The following TCF4 variants were observed in gnomAD, a reference collection of about 807,000 sequenced individuals.
TCF4 encodes the protein SL3-3 enhancer factor 2.
In TCF4, 3 loss-of-function variants were observed where a neutral mutation model predicts 82.1. The observed-to-expected ratio is 0.04, with a 90% CI of 0.02 to 0.09. The LOEUF (loss-of-function observed/expected upper bound fraction) is 0.09, where lower values mean the gene tolerates loss of function less well. Among genes scored for constraint, TCF4 ranks in the 10% least tolerant of loss-of-function variants. TCF4 has a pLI of 1.00. For missense variants in TCF4, 518 were observed against 852.7 expected (o/e 0.61, Z 4.89); for synonymous variants, 276 against 309.6 (o/e 0.89, Z 1.14).
At position 55,553,026 on chromosome 18, in the gene TCF4, T is replaced by C. The variant is rs1423891709; in HGVS notation, c.145+32254A>G. On this transcript the variant is annotated intron_variant, in intron 3 of 19. Coordinates refer to ENST00000354452, the MANE Select transcript of TCF4 (RefSeq NM_001083962.2). ...CACAGAGGGAGAAAAAGCACAGAAG[T>C]GTCACATACTGTTTCAGGTATATAT... Among the ~76,000 whole-genome samples the C allele has an allele frequency of 3.3e-5, 5 of 152,264 alleles. No homozygotes were observed. In the East Asian group the frequency reaches 5.8e-4, roughly 18 times the overall value.
At chr18:55,556,152 T>C (rs2097302068) in intron 3 of TCF4, among the ~76,000 whole-genome samples, 1 of 146,662 alleles carries the variant, frequency 6.8e-6, no homozygotes, top group Non-Finnish European at 1.5e-5. Flanking sequence ...TATCTTTCAG[T>C]GTGATTTTTT....
intron 15 of TCF4, among the ~76,000 whole-genome samples, chr18:55,234,990 T>C (rs944932984): frequency 6.6e-6 from 1 of 152,190 alleles, no homozygotes; most frequent in Non-Finnish European, 1.5e-5. Flanking sequence ...CTGTCTTCTA[T>C]CATGTCCGCC....
At chr18:55,464,470 C>T (rs2095959401) in intron 3 of TCF4, among the ~76,000 whole-genome samples, 1 of 152,114 alleles carries the variant, frequency 6.6e-6, no homozygotes, top group South Asian at 2.1e-4. Context: ...TTTAAAAATG[C>T]ACTAACATAA....
At chr18:55,369,573 C>G (rs2088317497) in intron 6 of TCF4, among the ~76,000 whole-genome samples, 1 of 152,204 alleles carries the variant, frequency 6.6e-6, no homozygotes. Context: ...AATACACATT[C>G]CCCACAAGCA....
intron 7 of TCF4, 78 bp from the exon 8 acceptor site, chr18:55,350,486 T>A: frequency 7.1e-7 from 1 of 1,417,266 alleles, no homozygotes; most frequent in Non-Finnish European, 9.9e-7. Flanking sequence ...CAAAGACTTC[T>A]AGATGATACC....
intron 3 of TCF4, among the ~76,000 whole-genome samples, chr18:55,478,720 C>T (rs1163173234): frequency 6.6e-6 from 1 of 151,630 alleles, no homozygotes; most frequent in African/African-American, 2.4e-5. Context: ...TGTAAAAGGC[C>T]CCCACTTCCC....
chr18:55,548,953 G>A (rs1287106319), intron 3 of TCF4, among the ~76,000 whole-genome samples: 3 of 152,108 alleles, frequency 2.0e-5, no homozygotes, highest in African/African-American at 7.2e-5. Context: ...GTACACTACC[G>A]TAGACTTTAT....
intron 3 of TCF4, among the ~76,000 whole-genome samples, chr18:55,507,129 C>T (rs908461294): frequency 6.6e-6 from 1 of 152,232 alleles, no homozygotes; most frequent in South Asian, 2.1e-4. Context: ...TCCCAAAGTG[C>T]TGGGATTACA....
chr18:55,585,150 A>C, intron 3 of TCF4, 130 bp downstream of exon 3: 1 of 822,618 alleles, frequency 1.2e-6, no homozygotes, highest in South Asian at 1.4e-5. Context: ...TGGGTAATGC[A>C]ATAACCGTAT....
intron 6 of TCF4, among the ~76,000 whole-genome samples, chr18:55,354,468 G>A (rs1158934211): frequency 5.9e-5 from 9 of 152,086 alleles, no homozygotes; most frequent in Non-Finnish European, 1.0e-4. Context: ...ACTGAACTTT[G>A]CTTATACAAC....
intron 6 of TCF4, among the ~76,000 whole-genome samples, chr18:55,353,068 G>C (rs2082650912): frequency 6.6e-6 from 1 of 152,100 alleles, no homozygotes; most frequent in African/African-American, 2.4e-5. Context: ...CAAATATGTT[G>C]AAATGCTTGC....
intron 5 of TCF4, among the ~76,000 whole-genome samples, chr18:55,415,410 G>A (rs2094491245): frequency 1.3e-5 from 2 of 152,088 alleles, no homozygotes; most frequent in Admixed American, 6.6e-5. Context: ...ACCTTGAAAA[G>A]TAAAAGAAAG....
intron 3 of TCF4, among the ~76,000 whole-genome samples, chr18:55,530,041 G>A (rs2097041685): frequency 6.6e-6 from 1 of 152,174 alleles, no homozygotes; most frequent in Non-Finnish European, 1.5e-5. Flanking sequence ...CTCCAAAATA[G>A]CAACCACTAG....
chr18:55,373,749 G>T (rs1447206143), intron 6 of TCF4, among the ~76,000 whole-genome samples: 1 of 152,000 alleles, frequency 6.6e-6, no homozygotes, highest in Non-Finnish European at 1.5e-5. Context: ...GGAGCCGGAG[G>T]TTGCACTGAG....
At chr18:55,265,023 C>T (rs1017932884) in intron 11 of TCF4, 1 of 152,334 alleles carries the variant, frequency 6.6e-6, no homozygotes, top group African/African-American at 2.4e-5. Flanking sequence ...TCTTGGGTTA[C>T]ATGCTAGACC....
At chr18:55,374,602 T>C (rs1489939512) in intron 6 of TCF4, among the ~76,000 whole-genome samples, 5 of 152,028 alleles carry the variant, frequency 3.3e-5, no homozygotes, top group Non-Finnish European at 5.9e-5. Flanking sequence ...AAAAATCCAG[T>C]TCTGAAGTAC....
intron 15 of TCF4, among the ~76,000 whole-genome samples, chr18:55,244,086 C>T (rs2052245333): frequency 6.6e-6 from 1 of 152,184 alleles, no homozygotes; most frequent in African/African-American, 2.4e-5. Flanking sequence ...CTATTCCCGA[C>T]TGGATAAACA....
At chr18:55,339,557 C>T (rs549488378) in intron 8 of TCF4, among the ~76,000 whole-genome samples, 76 of 152,248 alleles carry the variant, frequency 5.0e-4, no homozygotes, top group African/African-American at 1.8e-3. Context: ...GTTCAGGGCT[C>T]ATCAGCCAAC....
chr18:55,284,306 G>T (rs1402616744), intron 8 of TCF4: 1 of 152,130 alleles, frequency 6.6e-6, no homozygotes, highest in East Asian at 1.9e-4. Context: ...CAGCTACTCA[G>T]GAGGCTGAGG....
Sources: gnomAD v4.1 joint callset for allele counts (sites outside exome capture counted in the v4.1 genomes callset) on GRCh38, gnomAD v4.1.1 for gene constraint, MANE v1.5 for transcripts, NCBI Gene and HGNC (gene_info 2026-07-23, HGNC 2026-07-21) for gene names.